Variants in CCDC39 observed in about 807,000 individuals in gnomAD.
CCDC39 encodes coiled-coil domain 39 molecular ruler complex subunit, also known as coiled-coil domain-containing protein 39.
CCDC39 carries 113 observed loss-of-function variants against 121.0 expected under a neutral mutation model. That is an observed-to-expected ratio of 0.93 (90% CI 0.80 to 1.09). The LOEUF (loss-of-function observed/expected upper bound fraction) is 1.09, where lower values mean the gene tolerates loss of function less well. Among genes scored for constraint, CCDC39 ranks in the 50% least tolerant of loss-of-function variants. CCDC39 has a pLI of 0.00. For synonymous variants in CCDC39, 349 were observed against 352.2 expected, an observed-to-expected ratio of 0.99 and a Z score of 0.10; for missense variants, 1,063 against 1,074.7, an observed-to-expected ratio of 0.99 and a Z score of 0.15.
chr3:180,625,803 T>C (rs903627776), intron 14 of CCDC39, among the ~76,000 whole-genome samples: 2 of 151,818 alleles, frequency 1.3e-5, no homozygotes, highest in African/African-American at 2.4e-5. Context: ...TTAGTTGAGC[T>C]TTGGTGAAGT....
intron 11 of CCDC39, among the ~76,000 whole-genome samples, chr3:180,646,427 C>G (rs1481148671): frequency 1.3e-5 from 2 of 152,070 alleles, no homozygotes; most frequent in Admixed American, 1.3e-4. Context: ...CCATTCATGT[C>G]CACACTCACT....
intron 9 of CCDC39, 120 bp downstream of exon 9, chr3:180,651,281 G>GAA: frequency 2.7e-6 from 2 of 753,148 alleles, no homozygotes; most frequent in Non-Finnish European, 4.2e-6. Flanking sequence ...TTATAAATGT[G>GAA]ATCATACCAA....
chr3:180,659,353 G>T, intron 6 of CCDC39, 99 bp downstream of exon 6: 1 of 1,438,212 alleles, frequency 7.0e-7, no homozygotes, highest in Non-Finnish European at 9.5e-7. Flanking sequence ...CTACAAAAGT[G>T]ACTTTCAAAT....
At chr3:180,626,439 G>A (rs1165468242) in intron 14 of CCDC39, among the ~76,000 whole-genome samples, 1 of 152,076 alleles carries the variant, frequency 6.6e-6, no homozygotes, top group South Asian at 2.1e-4. Flanking sequence ...TGGTGGCTGT[G>A]CTGTAGGCCT....
At position 180,619,890 on chromosome 3, in the gene CCDC39, G is replaced by A. The variant is rs376782159; in HGVS notation, c.2079C>T (p.Tyr693=). The A allele has an allele frequency of 3.2e-5, 52 of 1,609,640 alleles. No individual in the cohort carries two copies. Among genetic ancestry groups the A allele is most frequent in the Non-Finnish European group, 3.9e-5 (46 of 1,177,856 alleles). ...GCACTTGAAGGGTATTTTCTAGAGC[G>A]TAGATTTCTTTTTCAGCTTTGTTGA... ...AKINKAEKEI[Y]ALENTLQVLN... Residue 693 remains tyrosine (Y), a synonymous_variant, in exon 15 of 20, where the codon TAC becomes TAT. Transcript: ENST00000476379.
chr3:180,653,770 G>A (rs1020305959), intron 7 of CCDC39, among the ~76,000 whole-genome samples: 4 of 152,008 alleles, frequency 2.6e-5, no homozygotes, highest in Non-Finnish European at 4.4e-5. Flanking sequence ...AGGATCCCTC[G>A]CAGATACCAA....
At chr3:180,626,338 C>A (rs1464434634) in intron 14 of CCDC39, among the ~76,000 whole-genome samples, 1 of 152,028 alleles carries the variant, frequency 6.6e-6, no homozygotes, top group East Asian at 1.9e-4. Flanking sequence ...AGTCCCAGGC[C>A]CCTTGGTAAT....
chr3:180,616,192 C>T (rs1365628734), intron 19 of CCDC39, 89 bp downstream of exon 19: 2 of 1,093,748 alleles, frequency 1.8e-6, no homozygotes, highest in African/African-American at 3.1e-5. Context: ...ATGGGCCTGC[C>T]TAACAGCTGC....
In CCDC39 at chr3:180,615,154, G is replaced by GT. The variant is rs1717184099; in HGVS notation, c.2670-78dup. 3 of 1,082,402 alleles carry GT rather than the reference G, an allele frequency of 2.8e-6. No individual in the cohort carries two copies. The Admixed American group carries it at 1.0e-4, about 37-fold the overall frequency. 67.0% of individuals were successfully genotyped at this position (1,082,402 alleles called of 1,614,324 possible). ...TAGACCCTCTCATTATTGGCAAAAG[G>GT]TACCATAATTCCATAAGTAAAGACA... On this transcript the variant is annotated intron_variant, in intron 19 of 19. Coordinates refer to ENST00000476379, the MANE Select transcript of CCDC39 (RefSeq NM_181426.2).
At chr3:180,616,210 T>C (rs1272187620) in intron 19 of CCDC39, 71 bp downstream of exon 19, 1 of 1,313,202 alleles carries the variant, frequency 7.6e-7, no homozygotes, top group Non-Finnish European at 1.1e-6. Flanking sequence ...TGCGGTGATG[T>C]AGAAGTGGCT....
intron 4 of CCDC39, among the ~76,000 whole-genome samples, chr3:180,660,141 G>C (rs1711705905): frequency 6.6e-6 from 1 of 152,054 alleles, no homozygotes; most frequent in Non-Finnish European, 1.5e-5. Flanking sequence ...TAGATTTTAA[G>C]TGATTTTTAT....
chr3:180,651,022 C>A (rs992852467), intron 9 of CCDC39, among the ~76,000 whole-genome samples: 19 of 151,762 alleles, frequency 1.3e-4, no homozygotes. Context: ...TGGCGAAACC[C>A]CATCTCTACT....
chr3:180,674,463 C>G (rs1360646197), intron 1 of CCDC39, among the ~76,000 whole-genome samples: 1 of 152,106 alleles, frequency 6.6e-6, no homozygotes, highest in Non-Finnish European at 1.5e-5. Context: ...AATTGAATAC[C>G]CTTTATTTCT....
In CCDC39 at chr3:180,651,523, T is replaced by G; in HGVS notation, c.1045A>C (p.Thr349Pro). 6.6e-7 allele frequency: 1 copy of G among 1,525,872 alleles called. No individual in the cohort carries two copies. Among genetic ancestry groups the G allele is most frequent in the Non-Finnish European group, 8.8e-7 (1 of 1,139,442 alleles). 94.5% of individuals were successfully genotyped at this position (1,525,872 alleles called of 1,614,324 possible). The change falls in exon 9 of 20, where the codon ACT (threonine) becomes CCT (proline). Residue 349 changes from threonine to proline, a missense_variant. Thr to Pro is a conservative substitution (Grantham distance 38). Coordinates refer to ENST00000476379, the MANE Select transcript of CCDC39 (RefSeq NM_181426.2). Reference sequence around the variant, plus strand: ...TGTATTATCTCATTATGATTTTTAGTTTTTTGTAACCTGAAGAGGGTTTAT... The same window carrying G: ...TGTATTATCTCATTATGATTTTTAGGTTTTTGTAACCTGAAGAGGGTTTAT... ...IHEETARLQK[T>P]KNHNEIIQTK...
chr3:180,676,343 C>G (rs186999582), intron 1 of CCDC39, among the ~76,000 whole-genome samples: 2 of 152,296 alleles, frequency 1.3e-5, no homozygotes, highest in Admixed American at 1.3e-4. Flanking sequence ...AGGATATGAA[C>G]TGACACTTCT....
chr3:180,670,312 GGTGTGT>G (rs34194996), intron 1 of CCDC39, among the ~76,000 whole-genome samples: 5 of 148,292 alleles, frequency 3.4e-5, no homozygotes, highest in Non-Finnish European at 6.0e-5. Flanking sequence ...GTATGGAAGG[GGTGTGT>G]GTGTGTGTGT....
intron 8 of CCDC39, among the ~76,000 whole-genome samples, chr3:180,651,910 A>C (rs748906609): frequency 6.6e-6 from 1 of 152,028 alleles, no homozygotes; most frequent in Admixed American, 6.6e-5. Context: ...GCTGGCGGGC[A>C]CCTGTAGTCC....
At chr3:180,642,675 C>A (rs879368180) in intron 12 of CCDC39, among the ~76,000 whole-genome samples, 2 of 151,902 alleles carry the variant, frequency 1.3e-5, no homozygotes, top group African/African-American at 2.4e-5. Context: ...TTTATTGTTT[C>A]ATAAACGTGG....
chr3:180,641,004 A>C (rs1460147995), intron 13 of CCDC39, among the ~76,000 whole-genome samples: 2 of 152,126 alleles, frequency 1.3e-5, no homozygotes, highest in Non-Finnish European at 2.9e-5. Flanking sequence ...TCATTTATAC[A>C]CATGAACATA....
Sources: allele counts gnomAD v4.1 joint callset (sites outside exome capture counted in the v4.1 genomes callset), GRCh38; gene constraint gnomAD v4.1.1; transcripts MANE v1.5; gene names NCBI Gene and HGNC (gene_info 2026-07-23, HGNC 2026-07-21).